The following DPP10 variants were observed in gnomAD, a reference collection of about 807,000 sequenced individuals.
DPP10 encodes inactive dipeptidyl peptidase 10.
A neutral mutation model predicts 120.9 loss-of-function variants in DPP10; 33 were observed. The ratio of observed to expected loss-of-function variants is 0.27; its 90% CI spans 0.21 to 0.37. DPP10 has a LOEUF of 0.37. Ranked by LOEUF, DPP10 falls within the 10% of genes least tolerant of loss-of-function variation. The pLI is 1.00. For synonymous variants in DPP10, 337 were observed against 326.1 expected (o/e 1.03, Z -0.36); for missense variants, 816 against 942.8 (o/e 0.87, Z 1.76).
intron 1 of DPP10, among the ~76,000 whole-genome samples, chr2:115,155,089 A>G (rs1389663794): frequency 6.6e-6 from 1 of 150,948 alleles, no homozygotes; most frequent in South Asian, 2.1e-4. Flanking sequence ...TGGTATTCTT[A>G]GTGGAGACGG....
chr2:115,145,852 T>C (rs1021588030), intron 1 of DPP10, among the ~76,000 whole-genome samples: 14 of 152,156 alleles, frequency 9.2e-5, no homozygotes, highest in African/African-American at 3.4e-4. Context: ...CTACCAGATA[T>C]GTAGTTGTAT....
chr2:115,402,641 T>TA lies in DPP10; in HGVS notation c.271+58743dup, dbSNP rs745962407. On this transcript the variant is annotated intron_variant, in intron 3 of 25. Coordinates refer to ENST00000410059, the MANE Select transcript of DPP10 (RefSeq NM_020868.6). Reference sequence around the variant, plus strand: ...AATGAACACAGAGACTGAATCAGTTTAAAAAAAAAAAAAAGTCTTCCACTG... The same window carrying TA: ...AATGAACACAGAGACTGAATCAGTTTAAAAAAAAAAAAAAAGTCTTCCACTG... Among the ~76,000 whole-genome samples, 895 of 136,922 alleles carry TA rather than the reference T, an allele frequency of 6.5e-3. 2 individuals carry two copies. Among genetic ancestry groups the TA allele is most frequent in the Non-Finnish European group, 8.8e-3 (555 of 62,714 alleles). The allele number at this position is 136,922 out of a possible 152,430, so 89.8% of individuals were successfully genotyped here. A position where few individuals can be genotyped will look rare whatever the true frequency, so the allele number is the denominator to read the frequency against.
At chr2:115,630,647 G>A (rs921639216) in intron 5 of DPP10, among the ~76,000 whole-genome samples, 5 of 152,124 alleles carry the variant, frequency 3.3e-5, no homozygotes, top group Non-Finnish European at 7.4e-5. Flanking sequence ...GGCCTTTTCT[G>A]CATCTATTGA....
chr2:115,500,356 T>TATACA (rs1485373346), intron 4 of DPP10, among the ~76,000 whole-genome samples: 1 of 151,974 alleles, frequency 6.6e-6, no homozygotes, highest in African/African-American at 2.4e-5. Context: ...TAGATGAATG[T>TATACA]ATACAATACA....
chr2:115,066,291 T>C (rs1706831502), intron 1 of DPP10, among the ~76,000 whole-genome samples: 1 of 152,206 alleles, frequency 6.6e-6, no homozygotes, highest in South Asian at 2.1e-4. Flanking sequence ...ATAACAGTTG[T>C]AATTTTTTGT....
At chr2:115,476,505 G>A (rs1328039115) in intron 3 of DPP10, among the ~76,000 whole-genome samples, 2 of 152,148 alleles carry the variant, frequency 1.3e-5, no homozygotes, top group Admixed American at 6.6e-5. Flanking sequence ...CAAATACAGA[G>A]AGCCAATGCA....
chr2:114,810,900 A>T (rs1685117885), intron 1 of DPP10, among the ~76,000 whole-genome samples: 2 of 152,176 alleles, frequency 1.3e-5, no homozygotes, highest in African/African-American at 4.8e-5. Context: ...GGTTTTTCCC[A>T]GAAGACTCTT....
chr2:114,773,696 G>A (rs1558727306), intron 1 of DPP10, among the ~76,000 whole-genome samples: 1 of 152,130 alleles, frequency 6.6e-6, no homozygotes, highest in Non-Finnish European at 1.5e-5. Context: ...CCATAAAGAA[G>A]GCAGTGATGA....
intron 1 of DPP10, among the ~76,000 whole-genome samples, chr2:114,806,551 G>T (rs934345284): frequency 6.6e-6 from 1 of 152,186 alleles, no homozygotes; most frequent in Non-Finnish European, 1.5e-5. Context: ...ACCTGGGAAT[G>T]ATATGTGTCA....
chr2:115,418,875 G>A (rs2069678128), intron 3 of DPP10, among the ~76,000 whole-genome samples: 1 of 152,050 alleles, frequency 6.6e-6, no homozygotes, highest in South Asian at 2.1e-4. Context: ...AGGCCAACAG[G>A]TTGGAAATTC....
At chr2:114,706,728 T>A (rs77096026) in intron 1 of DPP10, among the ~76,000 whole-genome samples, 5,012 of 152,256 alleles carry the variant, frequency 0.033, 127 homozygotes, top group Middle Eastern at 0.068. Flanking sequence ...ATTGGATCTA[T>A]CTTCTAGTAT....
At chr2:115,761,334 T>C (rs1043257079) in intron 11 of DPP10, among the ~76,000 whole-genome samples, 3 of 152,136 alleles carry the variant, frequency 2.0e-5, no homozygotes, top group Non-Finnish European at 4.4e-5. Flanking sequence ...TGTAAATATT[T>C]CATTGCATAC....
intron 1 of DPP10, among the ~76,000 whole-genome samples, chr2:114,607,543 A>G (rs1350411223): frequency 6.6e-6 from 1 of 152,030 alleles, no homozygotes; most frequent in Non-Finnish European, 1.5e-5. Flanking sequence ...AATATTGCCC[A>G]TTTTCTTGTT....
intron 2 of DPP10, among the ~76,000 whole-genome samples, chr2:115,323,233 G>A (rs1476575931): frequency 6.6e-6 from 1 of 152,176 alleles, no homozygotes; most frequent in African/African-American, 2.4e-5. Flanking sequence ...CAGCATGTTA[G>A]CTAGGAGTAG....
At chr2:114,988,357 C>G (rs1700554016) in intron 1 of DPP10, among the ~76,000 whole-genome samples, 1 of 152,228 alleles carries the variant, frequency 6.6e-6, no homozygotes, top group African/African-American at 2.4e-5. Flanking sequence ...AATATGATCT[C>G]TGTCACTTTA....
intron 1 of DPP10, among the ~76,000 whole-genome samples, chr2:114,830,315 T>G (rs1686981998): frequency 6.6e-6 from 1 of 152,170 alleles, no homozygotes. Context: ...CCTGCTTTGC[T>G]TTTCCCAAAT....
chr2:115,230,861 T>C (rs1203444449), intron 1 of DPP10, among the ~76,000 whole-genome samples: 2 of 152,024 alleles, frequency 1.3e-5, no homozygotes, highest in African/African-American at 4.8e-5. Flanking sequence ...CAGTCTCTAA[T>C]ATCTGCAATA....
intron 1 of DPP10, among the ~76,000 whole-genome samples, chr2:115,278,508 T>C (rs1325949981): frequency 1.3e-5 from 2 of 152,132 alleles, no homozygotes; most frequent in Admixed American, 1.3e-4. Context: ...GTTTTGGTGC[T>C]CATGGTCCTG....
At chr2:114,649,452 C>T (rs1202544533) in intron 1 of DPP10, among the ~76,000 whole-genome samples, 3 of 151,784 alleles carry the variant, frequency 2.0e-5, no homozygotes, top group Non-Finnish European at 4.4e-5. Context: ...GGGTTCACGC[C>T]ATTCTCCTGC....
Sources: allele counts gnomAD v4.1 joint callset (sites outside exome capture counted in the v4.1 genomes callset), GRCh38; gene constraint gnomAD v4.1.1; transcripts MANE v1.5; gene names NCBI Gene and HGNC (gene_info 2026-07-23, HGNC 2026-07-21).